The following DNAH7 variants were observed in gnomAD, a reference collection of about 807,000 sequenced individuals.
DNAH7 encodes the protein dynein axonemal heavy chain 7, also known as axonemal beta dynein heavy chain 7.
A neutral mutation model predicts 444.6 loss-of-function variants in DNAH7; 397 were observed. That is an observed-to-expected ratio of 0.89 (90% CI 0.82 to 0.97). The LOEUF (loss-of-function observed/expected upper bound fraction) is 0.97, where lower values mean the gene tolerates loss of function less well. Among genes scored for constraint, DNAH7 ranks in the 50% least tolerant of loss-of-function variants. The pLI is 0.00. For synonymous variants in DNAH7, 1,636 were observed against 1,624.4 expected, an observed-to-expected ratio of 1.01 and a Z score of -0.17; for missense variants, 4,902 against 4,800.8, an observed-to-expected ratio of 1.02 and a Z score of -0.62.
Position 195,885,207 on chromosome 2 carries a change from GTTTAC to G in DNAH7, c.5539-403_5539-399del, listed in dbSNP as rs532901352. On this transcript the variant is annotated intron_variant, in intron 34 of 64. Transcript: ENST00000312428. ...TTCTATTTAAATTTTGATATGGTGG[GTTTAC>G]TTTAAGAACAAATTTAAATGATTTT... 1.2e-3 allele frequency among the ~76,000 whole-genome samples: 182 copies of G among 152,170 alleles called. 1 individual carries two copies. Among genetic ancestry groups the G allele is most frequent in the African/African-American group, 4.1e-3 (172 of 41,522 alleles).
intron 21 of DNAH7, among the ~76,000 whole-genome samples, chr2:195,932,137 A>G (rs557709913): frequency 7.9e-5 from 12 of 152,254 alleles, no homozygotes; most frequent in Admixed American, 7.2e-4. Context: ...GAGGTCCTTC[A>G]CATCCCTTCT....
At chr2:195,765,068 C>A (rs977350086) in intron 61 of DNAH7, among the ~76,000 whole-genome samples, 2 of 152,020 alleles carry the variant, frequency 1.3e-5, no homozygotes, top group African/African-American at 2.4e-5. Context: ...GAGAGAGAAC[C>A]TATAGATAAA....
rs758144059 is a variant in DNAH7, at chr2:195,888,267, C to T, written c.5397G>A (p.Lys1799=). 3.1e-6 allele frequency: 5 copies of T among 1,607,864 alleles called. No individual in the cohort carries two copies. Among genetic ancestry groups the T allele is most frequent in the South Asian group, 1.1e-5 (1 of 89,466 alleles). The stretch of plus-strand genomic sequence containing the variant: ...TTCTCATTTCCCTTACCTTTGTATG[C>T]TTTCTAATAAATTCAACCGAAACAG... ...MVPVSVEFIR[K]HTKELSPTSD... The change falls in exon 33 of 65, where the codon AAG becomes AAA. Residue 1799 remains lysine, a synonymous_variant. Transcript: ENST00000312428.
intron 58 of DNAH7, among the ~76,000 whole-genome samples, chr2:195,783,778 G>T (rs540103092): frequency 3.0e-4 from 46 of 152,242 alleles, no homozygotes; most frequent in African/African-American, 1.0e-3. Flanking sequence ...CCATTCTGTT[G>T]TAAGAGTGAT....
intron 12 of DNAH7, chr2:195,995,299 T>A (rs1693624135): frequency 2.1e-6 from 1 of 483,398 alleles, no homozygotes. Context: ...TTTTGTACTT[T>A]TAGCAGTTTT....
At position 195,930,660 on chromosome 2, in the gene DNAH7, C is replaced by G. The variant is rs1418980774; in HGVS notation, c.3471+3931G>C. Among the ~76,000 whole-genome samples the G allele has an allele frequency of 5.9e-5, 9 of 152,126 alleles. No individual in the cohort carries two copies. The South Asian group carries it at 8.3e-4, about 14-fold the overall frequency. Reference sequence around the variant, plus strand: ...AAAACAGAACTACCGTTCAACCCAGCAACCCCATTACTGAGTATATATCCA... The same window carrying G: ...AAAACAGAACTACCGTTCAACCCAGGAACCCCATTACTGAGTATATATCCA... On this transcript the variant is annotated intron_variant, in intron 21 of 64. Transcript: ENST00000312428.
Position 196,001,876 on chromosome 2 carries a change from C to T in DNAH7, c.990-18G>A. ...GAAACCACCTTGAAAGAACAAAAGA[C>T]TTTTAAAAGTCAGTGCTTTCAGTGA... On this transcript the variant is annotated intron_variant, in intron 10 of 64. Coordinates refer to ENST00000312428, the MANE Select transcript of DNAH7 (RefSeq NM_018897.3). 6.3e-7 allele frequency: 1 copy of T among 1,582,654 alleles called. No homozygotes were observed. Among genetic ancestry groups the T allele is most frequent in the Non-Finnish European group, 8.6e-7 (1 of 1,165,734 alleles).
chr2:195,843,039 A>G (rs1390337157), intron 47 of DNAH7, among the ~76,000 whole-genome samples: 1 of 152,226 alleles, frequency 6.6e-6, no homozygotes, highest in Non-Finnish European at 1.5e-5. Context: ...TCTGAGATAA[A>G]AACAATAACA....
Position 195,816,742 on chromosome 2 carries a change from G to T in DNAH7, c.9647C>A (p.Ser3216Tyr), listed in dbSNP as rs201637136. The change falls in exon 51 of 65, where the codon TCT becomes TAT. Residue 3216 changes from serine to tyrosine, a missense_variant. By Grantham distance (144) the Ser-to-Tyr change is moderately radical. Coordinates refer to ENST00000312428, the MANE Select transcript of DNAH7 (RefSeq NM_018897.3). ...IAIHSSILFF[S>Y]LADLANIEPM... Reference sequence around the variant, plus strand: ...CTCAATGTTGGCTAAATCAGCAAGAGAAAAAAATAGGATGGAAGAATGGAT... The same window carrying T: ...CTCAATGTTGGCTAAATCAGCAAGATAAAAAAATAGGATGGAAGAATGGAT... The T allele has an allele frequency of 5.0e-6, 8 of 1,614,130 alleles. No homozygotes were observed. Among genetic ancestry groups the T allele is most frequent in the African/African-American group, 2.7e-5 (2 of 75,050 alleles).
At chr2:196,006,632 C>T (rs1694393340) in intron 10 of DNAH7, among the ~76,000 whole-genome samples, 1 of 150,646 alleles carries the variant, frequency 6.6e-6, no homozygotes. Flanking sequence ...ATGATATGAT[C>T]TTATATATAG....
chr2:195,908,922 G>C (rs978051959), intron 25 of DNAH7, among the ~76,000 whole-genome samples: 1 of 152,110 alleles, frequency 6.6e-6, no homozygotes, highest in Non-Finnish European at 1.5e-5. Flanking sequence ...TACTGCATGG[G>C]TGAGGGTTGG....
In DNAH7 at chr2:195,910,212, A is replaced by T. The variant is rs755256937; in HGVS notation, c.3936-17T>A. Reference sequence around the variant, plus strand: ...AATAAGGTTCTGAAACATATGAAATAGACATTCTTTGTAGAATAATGTGAT... The same window carrying T: ...AATAAGGTTCTGAAACATATGAAATTGACATTCTTTGTAGAATAATGTGAT... On this transcript the variant is annotated splice_polypyrimidine_tract_variant and intron_variant, in intron 24 of 64. Transcript: ENST00000312428. 3 of 1,565,790 alleles carry T rather than the reference A, an allele frequency of 1.9e-6. No homozygotes were observed. The highest frequency in any genetic ancestry group is 2.6e-6 in the Non-Finnish European group (3 of 1,156,212).
chr2:195,945,966 C>A (rs1689774961), intron 19 of DNAH7, among the ~76,000 whole-genome samples: 1 of 152,036 alleles, frequency 6.6e-6, no homozygotes, highest in African/African-American at 2.4e-5. Flanking sequence ...AAGGGGGGCC[C>A]AAGAGAGTCC....
chr2:195,834,286 G>A lies in DNAH7; in HGVS notation c.9020C>T (p.Ala3007Val), dbSNP rs759580198. The change falls in exon 48 of 65, where the codon GCC becomes GTC. Residue 3007 changes from alanine to valine, a missense_variant. Transcript: ENST00000312428. ...ANKWIKNMEK[A>V]NSLYVIKLSE... Reference sequence around the variant, plus strand: ...AAGTTTAATCACATAAAGACTATTGGCTTTTTCCATGTTCTTGATCCATTT... The same window carrying A: ...AAGTTTAATCACATAAAGACTATTGACTTTTTCCATGTTCTTGATCCATTT... 1 of 1,608,932 alleles carries A rather than the reference G, an allele frequency of 6.2e-7. No homozygotes were observed. The highest frequency in any genetic ancestry group is 2.2e-5 in the East Asian group (1 of 44,736).
At chr2:195,810,764 A>G (rs1696931806) in intron 51 of DNAH7, among the ~76,000 whole-genome samples, 1 of 152,162 alleles carries the variant, frequency 6.6e-6, no homozygotes, top group Non-Finnish European at 1.5e-5. Context: ...AGGTTTTTGT[A>G]GAGAAAGCCT....
chr2:195,990,927 A>G (rs889708349), intron 12 of DNAH7, among the ~76,000 whole-genome samples: 2 of 145,980 alleles, frequency 1.4e-5, no homozygotes, highest in Admixed American at 7.0e-5. Flanking sequence ...ATATACATAT[A>G]TATACTTAAA....
chr2:195,946,703 T>G (rs146152735), intron 19 of DNAH7, among the ~76,000 whole-genome samples: 2 of 152,230 alleles, frequency 1.3e-5, no homozygotes, highest in East Asian at 3.9e-4. Flanking sequence ...CTCTCCCTCT[T>G]ACTTTCTCTC....
chr2:195,932,232 G>A (rs1688749157), intron 21 of DNAH7, among the ~76,000 whole-genome samples: 1 of 152,038 alleles, frequency 6.6e-6, no homozygotes, highest in Admixed American at 6.6e-5. Flanking sequence ...TCTGTTGTTG[G>A]TGTATAAGAA....
intron 10 of DNAH7, among the ~76,000 whole-genome samples, chr2:196,009,528 G>T (rs1694600157): frequency 6.6e-6 from 1 of 152,144 alleles, no homozygotes; most frequent in Non-Finnish European, 1.5e-5. Context: ...AAGAGAATAA[G>T]CATTGCTAGA....
Sources: gnomAD v4.1 joint callset for allele counts (sites outside exome capture counted in the v4.1 genomes callset) on GRCh38, gnomAD v4.1.1 for gene constraint, MANE v1.5 for transcripts, NCBI Gene and HGNC (gene_info 2026-07-23, HGNC 2026-07-21) for gene names.